Variants in FLT4 observed in about 807,000 individuals in gnomAD.
FLT4 encodes fms related receptor tyrosine kinase 4.
Under a neutral mutation model 163.2 loss-of-function variants are expected in FLT4, and 30 were observed. The observed-to-expected ratio is 0.18, with a 90% CI of 0.14 to 0.25. The LOEUF is 0.25. Among genes scored for constraint, FLT4 ranks in the 10% least tolerant of loss-of-function variants. The pLI is 1.00. For missense variants in FLT4, 1,510 were observed against 1,863.8 expected (o/e 0.81, Z 3.50); for synonymous variants, 884 against 789.5 (o/e 1.12, Z -2.01).
At chr5:180,625,132 C>T (rs1008691222) in intron 10 of FLT4, among the ~76,000 whole-genome samples, 5 of 152,216 alleles carry the variant, frequency 3.3e-5, no homozygotes, top group Non-Finnish European at 5.9e-5. Flanking sequence ...CAGCTCCCAT[C>T]CCGCCCCAGT....
intron 21 of FLT4, among the ~76,000 whole-genome samples, chr5:180,618,287 C>G (rs1418045298): frequency 7.9e-5 from 8 of 101,770 alleles, no homozygotes; most frequent in Admixed American, 2.8e-4. Context: ...TACTCCAGAG[C>G]ACCCTCTCCT....
In FLT4 at chr5:180,626,637, C is replaced by G. The variant is rs118060401; in HGVS notation, c.1104-372G>C. Reference sequence around the variant, plus strand: ...GACAGCCTTCTTCAGCCAGGCTTGCCCAGCCCAGCCCAGGAGGGTCCCACA... The same window carrying G: ...GACAGCCTTCTTCAGCCAGGCTTGCGCAGCCCAGCCCAGGAGGGTCCCACA... On this transcript the variant is annotated intron_variant, in intron 8 of 29. Coordinates refer to ENST00000261937, the MANE Select transcript of FLT4 (RefSeq NM_182925.5). 6.0e-4 allele frequency among the ~76,000 whole-genome samples: 92 copies of G among 152,324 alleles called. No individual in the cohort carries two copies. The East Asian group carries it at 0.014, about 24-fold the overall frequency.
At chr5:180,644,298 G>A (rs1434206716) in intron 1 of FLT4, among the ~76,000 whole-genome samples, 1 of 152,260 alleles carries the variant, frequency 6.6e-6, no homozygotes, top group Non-Finnish European at 1.5e-5. Context: ...CAGGGTACCG[G>A]GAGGGTGGAG....
intron 17 of FLT4, 33 bp from the exon 18 acceptor site, chr5:180,619,802 T>C (rs937281148): frequency 6.5e-7 from 1 of 1,527,084 alleles, no homozygotes; most frequent in Non-Finnish European, 9.1e-7. Flanking sequence ...GCAGGTGAGC[T>C]GTACGGGGTG....
At chr5:180,613,180 C>T in intron 24 of FLT4, 70 bp from the exon 25 acceptor site, 3 of 1,071,498 alleles carry the variant, frequency 2.8e-6, no homozygotes, top group Non-Finnish European at 1.4e-6. Flanking sequence ...CCAAGTCACC[C>T]CATCCTGTCC....
chr5:180,613,211 G>A (rs533216517), intron 24 of FLT4, 101 bp from the exon 25 acceptor site: 421 of 777,508 alleles, frequency 5.4e-4, no homozygotes, highest in Non-Finnish European at 7.3e-4. Context: ...AAGTCACCCC[G>A]TCCTGTCCCT....
intron 10 of FLT4, 95 bp from the exon 11 acceptor site, chr5:180,624,156 C>T (rs1477956668): frequency 1.3e-5 from 19 of 1,463,908 alleles, no homozygotes; most frequent in Middle Eastern, 1.8e-4. Context: ...ATCCAGTCAC[C>T]TTCTCATATG....
chr5:180,604,425 T>C (rs754225034), intron 29 of FLT4, among the ~76,000 whole-genome samples: 31 of 152,222 alleles, frequency 2.0e-4, no homozygotes, highest in Non-Finnish European at 3.8e-4. Flanking sequence ...CGGAGCCAGC[T>C]GTGTCCTTGC....
At chr5:180,627,579 G>A (rs1022636834) in intron 8 of FLT4, among the ~76,000 whole-genome samples, 27 of 152,230 alleles carry the variant, frequency 1.8e-4, no homozygotes, top group Non-Finnish European at 2.5e-4. Context: ...GTCAGTGCTC[G>A]CCATCGTCAT....
At chr5:180,641,838 C>T (rs1029011513) in intron 1 of FLT4, among the ~76,000 whole-genome samples, 5 of 152,228 alleles carry the variant, frequency 3.3e-5, no homozygotes, top group African/African-American at 1.2e-4. Context: ...TCTCTCCAAG[C>T]CCCAGTCTTC....
At chr5:180,631,386 T>C (rs1764136603) in intron 2 of FLT4, among the ~76,000 whole-genome samples, 1 of 151,538 alleles carries the variant, frequency 6.6e-6, no homozygotes, top group South Asian at 2.1e-4. Flanking sequence ...GGCAGGAGAA[T>C]GGCGTGAACC....
At chr5:180,628,452 G>T (rs572734645) in intron 8 of FLT4, among the ~76,000 whole-genome samples, 10 of 152,352 alleles carry the variant, frequency 6.6e-5, no homozygotes, top group Admixed American at 6.5e-4. Flanking sequence ...CAGGCAATCT[G>T]TCAATTCCCT....
rs1162423469 is a variant in FLT4 at position 180,649,600 on chromosome 5, T to G, written c.-55A>C. On this transcript the variant is annotated 5_prime_UTR_variant, in exon 1 of 30. Coordinates refer to ENST00000261937, the MANE Select transcript of FLT4 (RefSeq NM_182925.5). Reference sequence around the variant, plus strand: ...AGCGGCCGCGGCTCGGGGCTGAAAGTGTCCGCGCGGGCGCCGGCTGGCCTG... The same window carrying G: ...AGCGGCCGCGGCTCGGGGCTGAAAGGGTCCGCGCGGGCGCCGGCTGGCCTG... 3 of 1,094,870 alleles carry G rather than the reference T, an allele frequency of 2.7e-6. No homozygotes were observed. The highest frequency in any genetic ancestry group is 3.4e-6 in the Non-Finnish European group (3 of 873,706). 67.8% of individuals were successfully genotyped at this position (1,094,870 alleles called of 1,614,324 possible).
At chr5:180,643,241 G>C (rs116129761) in intron 1 of FLT4, among the ~76,000 whole-genome samples, 1 of 152,166 alleles carries the variant, frequency 6.6e-6, no homozygotes, top group Non-Finnish European at 1.5e-5. Context: ...ACAGCCAATC[G>C]GTCACCAAGT....
rs183724289 is a variant in FLT4 at position 180,608,795 on chromosome 5, G to A, written c.3893+173C>T. The stretch of plus-strand genomic sequence containing the variant: ...GCATGTGACAGGGAGGGGCTCCCGC[G>A]GTGCTGTAGGTCAGGAGGGGTCTCA... On this transcript the variant is annotated intron_variant, in intron 29 of 29. Transcript: ENST00000261937. Among the ~76,000 whole-genome samples the A allele has an allele frequency of 9.2e-5, 14 of 152,282 alleles. No individual in the cohort carries two copies. The East Asian group carries it at 2.1e-3, about 23-fold the overall frequency.
At chr5:180,603,828 C>T (rs1458578067) in intron 29 of FLT4, among the ~76,000 whole-genome samples, 2 of 151,674 alleles carry the variant, frequency 1.3e-5, no homozygotes, top group East Asian at 1.9e-4. Flanking sequence ...GGCGTGAACC[C>T]GGGAGGCGGA....
chr5:180,649,489 G>A lies in FLT4; in HGVS notation c.57C>T (p.Asp19=). Reference sequence around the variant, plus strand: ...GGGTGGCCCGTTCGCCGCGCTCACCGTCCAGGAGTCCCAGGCAGAGCCACA... The same window carrying A: ...GGGTGGCCCGTTCGCCGCGCTCACCATCCAGGAGTCCCAGGCAGAGCCACA... ...LRLWLCLGLL[D]GLVSGYSMTP... Residue 19 remains aspartate (D), a splice_region_variant and synonymous_variant, in exon 1 of 30, where the codon GAC becomes GAT. Transcript: ENST00000261937. The A allele has an allele frequency of 1.4e-6, 2 of 1,461,552 alleles. No homozygotes were observed. The highest frequency in any genetic ancestry group is 1.5e-5 in the African/African-American group (1 of 67,828). 90.5% of individuals were successfully genotyped at this position (1,461,552 alleles called of 1,614,324 possible).
chr5:180,630,192 G>A lies in FLT4; in HGVS notation c.513+33C>T, dbSNP rs774683030. The A allele has an allele frequency of 9.3e-6, 15 of 1,606,502 alleles. No homozygotes were observed. In the Admixed American group the frequency reaches 1.2e-4, roughly 13 times the overall value. On this transcript the variant is annotated intron_variant, in intron 4 of 29. Coordinates refer to ENST00000261937, the MANE Select transcript of FLT4 (RefSeq NM_182925.5). The surrounding 1 kb of genome is among the most constrained non-coding windows in gnomAD (Gnocchi z 6.3). Reference sequence around the variant, plus strand: ...CGCCTTTCCCAGGGGTGGGATGGGAGGGTCGGATGCTGGGGTTGGGGTGGG... The same window carrying A: ...CGCCTTTCCCAGGGGTGGGATGGGAAGGTCGGATGCTGGGGTTGGGGTGGG...
Position 180,620,673 on chromosome 5 carries a change from C to A in FLT4, c.2342G>T (p.Gly781Val). 1 of 1,613,556 alleles carries A rather than the reference C, an allele frequency of 6.2e-7. No individual in the cohort carries two copies. Residue 781 changes from glycine to valine, a missense_variant, in exon 16 of 30, where the codon GGT becomes GTT. Gly to Val is a moderately radical substitution (Grantham distance 109). Transcript: ENST00000261937. This position sits in a 1 kb window ranked among gnomAD's most constrained non-coding sequence, Gnocchi z 4.4. ...GAAGAAGACAGCGATGACGCCGGTA[C>A]CGACAAGGATCACGATCTCCATGCT... Reference protein sequence around the residue: ...KGSMEIVILVGTGVIAVFFWV... With the variant: ...KGSMEIVILVVTGVIAVFFWV...
Sources: gnomAD v4.1 joint callset for allele counts (sites outside exome capture counted in the v4.1 genomes callset) on GRCh38, gnomAD v4.1.1 for gene constraint, Gnocchi (gnomAD v3.1) non-coding constraint, MANE v1.5 for transcripts, NCBI Gene and HGNC (gene_info 2026-07-23, HGNC 2026-07-21) for gene names.